Variants in KCNB2 observed in about 807,000 individuals in gnomAD.
KCNB2 encodes the protein delayed rectifier potassium channel protein.
Under a neutral mutation model 61.5 loss-of-function variants are expected in KCNB2, and 15 were observed. That is an observed-to-expected ratio of 0.24 (90% CI 0.16 to 0.38). The LOEUF (loss-of-function observed/expected upper bound fraction) is 0.38. KCNB2 is among the 10% of genes least tolerant of loss of function. KCNB2 has a pLI of 1.00. For missense variants in KCNB2, 828 were observed against 1,125.2 expected, an observed-to-expected ratio of 0.74 and a Z score of 3.78; for synonymous variants, 457 against 446.0, an observed-to-expected ratio of 1.02 and a Z score of -0.31.
intron 2 of KCNB2, among the ~76,000 whole-genome samples, chr8:72,629,991 A>G (rs1805854290): frequency 6.6e-6 from 1 of 152,224 alleles, no homozygotes; most frequent in Non-Finnish European, 1.5e-5. Context: ...TTACTCGTAT[A>G]GCAAGCAGAC....
intron 2 of KCNB2, among the ~76,000 whole-genome samples, chr8:72,922,743 A>G (rs1026230839): frequency 6.6e-6 from 1 of 152,224 alleles, no homozygotes; most frequent in Non-Finnish European, 1.5e-5. Flanking sequence ...ATAAGCATTC[A>G]GACCATTACA....
intron 2 of KCNB2, among the ~76,000 whole-genome samples, chr8:72,909,812 A>ACTACG (rs1352413774): frequency 6.6e-6 from 1 of 152,218 alleles, no homozygotes; most frequent in Non-Finnish European, 1.5e-5. Flanking sequence ...TGCTTGCATC[A>ACTACG]CTACGGGATG....
At chr8:72,604,566 T>C (rs1000521701) in intron 2 of KCNB2, among the ~76,000 whole-genome samples, 12 of 152,196 alleles carry the variant, frequency 7.9e-5, no homozygotes, top group African/African-American at 2.9e-4. Flanking sequence ...ATCTGACACA[T>C]AGTAGGTACT....
At chr8:72,734,776 C>A (rs867956462) in intron 2 of KCNB2, among the ~76,000 whole-genome samples, 3 of 152,150 alleles carry the variant, frequency 2.0e-5, no homozygotes, top group Admixed American at 6.6e-5. Context: ...GTGCATGGAG[C>A]ACCTCATAAT....
chr8:72,736,777 A>G (rs1807853128), intron 2 of KCNB2, among the ~76,000 whole-genome samples: 1 of 152,160 alleles, frequency 6.6e-6, no homozygotes, highest in Non-Finnish European at 1.5e-5. Flanking sequence ...ATAACATGTG[A>G]TTAGTTATTT....
chr8:72,567,928 G>A lies in KCNB2; in HGVS notation c.194G>A (p.Arg65Gln), dbSNP rs747647219. 1 of 1,613,764 alleles carries A rather than the reference G, an allele frequency of 6.2e-7. No homozygotes were observed. Among genetic ancestry groups the A allele is most frequent in the Non-Finnish European group, 8.5e-7 (1 of 1,179,948 alleles). Residue 65 changes from arginine to glutamine, a missense_variant, in exon 2 of 3, where the codon CGA (arginine) becomes CAA (glutamine). Physicochemically the swap from Arg to Gln is conservative, Grantham distance 43 (BLOSUM62 1). Coordinates refer to ENST00000523207, the MANE Select transcript of KCNB2 (RefSeq NM_004770.3). Reference protein sequence around the residue: ...RLPRTRLGKLRDCNTHESLLE... With the variant: ...RLPRTRLGKLQDCNTHESLLE... ...CCCAGGACGCGCCTGGGGAAGCTTC[G>A]AGACTGCAACACACACGAGAGCCTC...
intron 2 of KCNB2, among the ~76,000 whole-genome samples, chr8:72,783,800 C>T (rs1295924557): frequency 6.6e-6 from 1 of 152,148 alleles, no homozygotes; most frequent in Non-Finnish European, 1.5e-5. Flanking sequence ...TTTTATAAAA[C>T]TTACATCTAG....
At position 72,852,848 on chromosome 8, in the gene KCNB2, A is replaced by C. The variant is rs191646971; in HGVS notation, c.580-83087A>C. Among the ~76,000 whole-genome samples the C allele has an allele frequency of 2.0e-3, 308 of 152,380 alleles. 1 individual carries two copies. In the Middle Eastern group the frequency reaches 0.02, roughly 10 times the overall value. On this transcript the variant is annotated intron_variant, in intron 2 of 2. Transcript: ENST00000523207. ...TCTGGATTTCTCATACATAGAATTC[A>C]GAAAATAAATCTGTGATCATAACAC...
chr8:72,573,845 G>C (rs1806755201), intron 2 of KCNB2, among the ~76,000 whole-genome samples: 1 of 152,242 alleles, frequency 6.6e-6, no homozygotes, highest in South Asian at 2.1e-4. Context: ...CTTATCTGCA[G>C]TGGGCTAATT....
At chr8:72,608,877 T>C (rs1805496019) in intron 2 of KCNB2, among the ~76,000 whole-genome samples, 1 of 152,142 alleles carries the variant, frequency 6.6e-6, no homozygotes, top group Admixed American at 6.5e-5. Context: ...GTTATCATAT[T>C]GATGTCAACC....
At chr8:72,775,130 C>T (rs1024419244) in intron 2 of KCNB2, among the ~76,000 whole-genome samples, 7 of 152,256 alleles carry the variant, frequency 4.6e-5, no homozygotes, top group African/African-American at 1.7e-4. Context: ...GCCTCTGAGG[C>T]AGAGGAAGGA....
chr8:72,899,626 A>C (rs1343136571), intron 2 of KCNB2, among the ~76,000 whole-genome samples: 2 of 151,954 alleles, frequency 1.3e-5, no homozygotes, highest in African/African-American at 4.8e-5. Flanking sequence ...TCCCATTTAC[A>C]ATAGCCACAA....
chr8:72,585,219 A>C (rs945238447), intron 2 of KCNB2, among the ~76,000 whole-genome samples: 1 of 152,324 alleles, frequency 6.6e-6, no homozygotes, highest in East Asian at 1.9e-4. Context: ...CAGACTATAG[A>C]CAAGAGATGC....
At chr8:72,599,236 G>C in intron 2 of KCNB2, among the ~76,000 whole-genome samples, 1 of 152,140 alleles carries the variant, frequency 6.6e-6, no homozygotes, top group Non-Finnish European at 1.5e-5. Flanking sequence ...GCATGGTACT[G>C]CTACCAAAAC....
chr8:72,699,617 AT>A (rs1406654802), intron 2 of KCNB2, among the ~76,000 whole-genome samples: 1 of 152,028 alleles, frequency 6.6e-6, no homozygotes, highest in Non-Finnish European at 1.5e-5. Flanking sequence ...CCATTTATCA[AT>A]TTTGGCTTTG....
chr8:72,862,435 A>G lies in KCNB2; in HGVS notation c.580-73500A>G, dbSNP rs975320047. 3.3e-5 allele frequency among the ~76,000 whole-genome samples: 5 copies of G among 151,468 alleles called. No individual in the cohort carries two copies. The South Asian group carries it at 1.0e-3, about 32-fold the overall frequency. ...ACTGTATAGTCCATTCCTTTCTACA[A>G]TTTTTTTTTACACAAAACCTAAGAA... On this transcript the variant is annotated intron_variant, in intron 2 of 2. Transcript: ENST00000523207.
chr8:72,719,250 A>C (rs1018130397), intron 2 of KCNB2, among the ~76,000 whole-genome samples: 3 of 152,162 alleles, frequency 2.0e-5, no homozygotes, highest in African/African-American at 7.2e-5. Context: ...TATTAGCCAC[A>C]TCTATAAGGA....
At chr8:72,646,404 C>G (rs1806129472) in intron 2 of KCNB2, among the ~76,000 whole-genome samples, 1 of 152,098 alleles carries the variant, frequency 6.6e-6, no homozygotes, top group South Asian at 2.1e-4. Context: ...CAAAACTAAA[C>G]TCTTTCAAAG....
chr8:72,758,573 C>T (rs1355163335), intron 2 of KCNB2, among the ~76,000 whole-genome samples: 1 of 152,110 alleles, frequency 6.6e-6, no homozygotes, highest in Non-Finnish European at 1.5e-5. Context: ...AGTAAAATCT[C>T]CTGTTTGTTT....
Sources: allele counts gnomAD v4.1 joint callset (sites outside exome capture counted in the v4.1 genomes callset), GRCh38; gene constraint gnomAD v4.1.1; transcripts MANE v1.5; gene names NCBI Gene and HGNC (gene_info 2026-07-23, HGNC 2026-07-21).